Variants in RNF13 observed in about 807,000 individuals in gnomAD.
The protein encoded by RNF13 is ring finger protein 13, also known as E3 ubiquitin-protein ligase RNF13.
A neutral mutation model predicts 37.7 loss-of-function variants in RNF13; 19 were observed. That is an observed-to-expected ratio of 0.50 (90% CI 0.35 to 0.74). The LOEUF (loss-of-function observed/expected upper bound fraction) is 0.74. Among genes scored for constraint, RNF13 ranks in the 30% least tolerant of loss-of-function variants. The probability of loss-of-function intolerance (pLI) is 0.01; values close to 1 mark genes in which losing one functional copy is unlikely to be tolerated. For synonymous variants in RNF13, 144 were observed against 157.8 expected, an observed-to-expected ratio of 0.91 and a Z score of 0.65; for missense variants, 375 against 453.0, an observed-to-expected ratio of 0.83 and a Z score of 1.56.
chr3:149,878,480 A>T (rs928092112), intron 4 of RNF13, among the ~76,000 whole-genome samples: 5 of 152,162 alleles, frequency 3.3e-5, no homozygotes, highest in Non-Finnish European at 4.4e-5. Context: ...GTTGAAATGG[A>T]ATGTAATATT....
chr3:149,859,158 C>T (rs1484255125), intron 3 of RNF13, among the ~76,000 whole-genome samples: 2 of 152,112 alleles, frequency 1.3e-5, no homozygotes, highest in Non-Finnish European at 2.9e-5. Context: ...TACAGTATCA[C>T]CCTCAGTTTA....
chr3:149,938,705 A>G (rs1719954062), intron 8 of RNF13, among the ~76,000 whole-genome samples: 1 of 151,868 alleles, frequency 6.6e-6, no homozygotes. Context: ...TTTATTTCAC[A>G]TGTATATTTT....
intron 8 of RNF13, among the ~76,000 whole-genome samples, chr3:149,955,191 T>C (rs1440123530): frequency 6.6e-6 from 1 of 152,100 alleles, no homozygotes; most frequent in African/African-American, 2.4e-5. Flanking sequence ...GATTTTTATT[T>C]CAGAGACTGG....
At chr3:149,911,654 A>C (rs909980883) in intron 6 of RNF13, among the ~76,000 whole-genome samples, 1 of 151,722 alleles carries the variant, frequency 6.6e-6, no homozygotes, top group African/African-American at 2.4e-5. Context: ...ACAAGGCTCC[A>C]TCTCAAAAAA....
chr3:149,879,116 C>T (rs1713081096), intron 4 of RNF13, among the ~76,000 whole-genome samples: 1 of 152,030 alleles, frequency 6.6e-6, no homozygotes, highest in Admixed American at 6.6e-5. Context: ...TTTTCTTTTT[C>T]GTTTTGACTT....
chr3:149,941,281 T>C (rs754238374), intron 8 of RNF13, among the ~76,000 whole-genome samples: 3 of 152,144 alleles, frequency 2.0e-5, no homozygotes, highest in Non-Finnish European at 4.4e-5. Context: ...CCTTACTGCT[T>C]GCTCTCTGTA....
intron 8 of RNF13, among the ~76,000 whole-genome samples, chr3:149,943,923 T>C (rs141408951): frequency 1.1e-3 from 171 of 152,252 alleles, no homozygotes; most frequent in African/African-American, 3.9e-3. Flanking sequence ...TAACTCGTTA[T>C]TTAGCATTAG....
chr3:149,835,286 T>C (rs1254815330), intron 1 of RNF13, among the ~76,000 whole-genome samples: 1 of 152,188 alleles, frequency 6.6e-6, no homozygotes, highest in African/African-American at 2.4e-5. Flanking sequence ...CTAGAATATA[T>C]AGAGAATTTA....
At chr3:149,837,388 A>G (rs139041336) in intron 1 of RNF13, among the ~76,000 whole-genome samples, 18 of 152,178 alleles carry the variant, frequency 1.2e-4, no homozygotes, top group Non-Finnish European at 2.4e-4. Context: ...TATAATAGAT[A>G]GCTCCCCAAA....
At chr3:149,855,920 A>G (rs1272694749) in intron 3 of RNF13, among the ~76,000 whole-genome samples, 2 of 152,112 alleles carry the variant, frequency 1.3e-5, no homozygotes, top group African/African-American at 2.4e-5. Flanking sequence ...TGATCTGGCA[A>G]CCTTTCTTTC....
intron 6 of RNF13, among the ~76,000 whole-genome samples, chr3:149,905,522 A>C (rs1716300927): frequency 6.6e-6 from 1 of 151,150 alleles, no homozygotes; most frequent in Non-Finnish European, 1.5e-5. Context: ...TTGTATTTTG[A>C]AATTTTTATT....
intron 1 of RNF13, among the ~76,000 whole-genome samples, chr3:149,826,043 T>C (rs1720469738): frequency 6.6e-6 from 1 of 152,228 alleles, no homozygotes; most frequent in Non-Finnish European, 1.5e-5. Flanking sequence ...GAATAGTTTC[T>C]CCTGTTTGAA....
At chr3:149,909,361 G>T (rs149118233) in intron 6 of RNF13, among the ~76,000 whole-genome samples, 3 of 149,472 alleles carry the variant, frequency 2.0e-5, no homozygotes, top group African/African-American at 7.4e-5. Context: ...TGCAACCTCC[G>T]CCTCCCGGGT....
At chr3:149,853,830 TTC>T (rs1367572140) in intron 3 of RNF13, among the ~76,000 whole-genome samples, 2 of 149,852 alleles carry the variant, frequency 1.3e-5, no homozygotes, top group African/African-American at 2.5e-5. Flanking sequence ...TTCTTAAAAT[TTC>T]TCTTTTTTTT....
chr3:149,836,907 A>G (rs1029262907), intron 1 of RNF13, among the ~76,000 whole-genome samples: 6 of 152,242 alleles, frequency 3.9e-5, no homozygotes, highest in African/African-American at 1.4e-4. Flanking sequence ...CAAATATTGT[A>G]TGATTCCACT....
intron 3 of RNF13, among the ~76,000 whole-genome samples, chr3:149,869,582 G>A (rs1470937696): frequency 4.6e-5 from 7 of 151,550 alleles, no homozygotes; most frequent in Non-Finnish European, 7.4e-5. Context: ...CTCCAGCCTG[G>A]GCGACAGAGC....
chr3:149,856,981 T>C (rs1230600781), intron 3 of RNF13, among the ~76,000 whole-genome samples: 3 of 152,104 alleles, frequency 2.0e-5, no homozygotes, highest in Non-Finnish European at 4.4e-5. Context: ...ATCTTCTGAC[T>C]TCATGATCCA....
At chr3:149,889,991 A>G (rs1714525924) in intron 4 of RNF13, among the ~76,000 whole-genome samples, 1 of 152,072 alleles carries the variant, frequency 6.6e-6, no homozygotes. Context: ...TTTTTGTCTT[A>G]AGTTCTAACC....
At chr3:149,830,933 TAC>T (rs1407789867) in intron 1 of RNF13, among the ~76,000 whole-genome samples, 1 of 152,204 alleles carries the variant, frequency 6.6e-6, no homozygotes, top group Admixed American at 6.5e-5. Flanking sequence ...GGGACCAAGG[TAC>T]AGTTTGGGTC....
Sources: gnomAD v4.1 joint callset for allele counts (sites outside exome capture counted in the v4.1 genomes callset) on GRCh38, gnomAD v4.1.1 for gene constraint, MANE v1.5 for transcripts, NCBI Gene and HGNC (gene_info 2026-07-23, HGNC 2026-07-21) for gene names.